TMTC2: variants seen among roughly 807,000 people sequenced by gnomAD.
TMTC2 encodes transmembrane O-mannosyltransferase targeting cadherins 2, also known as protein O-mannosyl-transferase TMTC2.
TMTC2 carries 43 observed loss-of-function variants against 82.4 expected under a neutral mutation model. That is an observed-to-expected ratio of 0.52 (90% confidence interval 0.41 to 0.67). The LOEUF is 0.67. Ranked by LOEUF, TMTC2 falls within the 30% of genes least tolerant of loss-of-function variation. The probability of loss-of-function intolerance (pLI) is 0.00; values close to 1 mark genes in which losing one functional copy is unlikely to be tolerated. For synonymous variants in TMTC2, 408 were observed against 381.9 expected, an observed-to-expected ratio of 1.07 and a Z score of -0.80; for missense variants, 919 against 1,012.4, an observed-to-expected ratio of 0.91 and a Z score of 1.25.
chr12:83,070,187 T>C (rs1235517533), intron 11 of TMTC2, among the ~76,000 whole-genome samples: 2 of 152,198 alleles, frequency 1.3e-5, no homozygotes, highest in African/African-American at 4.8e-5. Context: ...TGGTTCCCTA[T>C]GAATTTTAGA....
chr12:82,792,359 A>C (rs1592525694), intron 1 of TMTC2, among the ~76,000 whole-genome samples: 1 of 151,918 alleles, frequency 6.6e-6, no homozygotes, highest in East Asian at 1.9e-4. Flanking sequence ...ATGTTGAGCA[A>C]CCATCACCTC....
At chr12:82,841,429 G>A (rs1459545041) in intron 1 of TMTC2, among the ~76,000 whole-genome samples, 6 of 152,144 alleles carry the variant, frequency 3.9e-5, no homozygotes, top group Non-Finnish European at 4.4e-5. Flanking sequence ...AATTAGAGTT[G>A]CTGGTGGTTT....
intron 1 of TMTC2, chr12:82,690,509 T>C (rs998184877): frequency 1.2e-5 from 8 of 690,860 alleles, no homozygotes; most frequent in East Asian, 2.7e-4. Context: ...ATGTTTGATG[T>C]AGCTTGGTTG....
At chr12:82,976,787 T>A (rs1878694310) in intron 7 of TMTC2, among the ~76,000 whole-genome samples, 1 of 152,080 alleles carries the variant, frequency 6.6e-6, no homozygotes, top group African/African-American at 2.4e-5. Context: ...TAGTAGTGTT[T>A]CTAATGCTTC....
At position 82,687,055 on chromosome 12, in the gene TMTC2, C is replaced by A. The variant is rs575082625; in HGVS notation, c.-532C>A. The stretch of plus-strand genomic sequence containing the variant: ...GCTGCCTTGGCGGCCGGAGTCCGCC[C>A]GAGCGACACCGGAGCAGTGCGCCCG... On this transcript the variant is annotated 5_prime_UTR_variant, in exon 1 of 12. Coordinates refer to ENST00000321196, the MANE Select transcript of TMTC2 (RefSeq NM_152588.3). 1.1e-3 allele frequency: 172 copies of A among 162,350 alleles called. 2 individuals carry two copies. Among genetic ancestry groups the A allele is most frequent in the Admixed American group, 2.9e-3 (49 of 16,908 alleles). The allele number at this position is 162,350 out of a possible 1,614,324, so 10.1% of individuals were successfully genotyped here. A position where few individuals can be genotyped will look rare whatever the true frequency, so the allele number is the denominator to read the frequency against.
chr12:83,022,930 A>T (rs1881000490), intron 8 of TMTC2, among the ~76,000 whole-genome samples: 1 of 152,212 alleles, frequency 6.6e-6, no homozygotes, highest in Admixed American at 6.5e-5. Flanking sequence ...TTTCATTGAA[A>T]TGATTTTTGG....
At chr12:82,873,897 A>G (rs1872341923) in intron 2 of TMTC2, among the ~76,000 whole-genome samples, 1 of 152,228 alleles carries the variant, frequency 6.6e-6, no homozygotes, top group South Asian at 2.1e-4. Context: ...ATCCCTTTAA[A>G]TAAATGGCCA....
chr12:83,102,161 A>T (rs555234612), intron 11 of TMTC2, among the ~76,000 whole-genome samples: 36 of 152,274 alleles, frequency 2.4e-4, no homozygotes, highest in African/African-American at 8.2e-4. Context: ...ACATCAGAAA[A>T]AGTTTCGTTT....
At chr12:82,790,040 A>T (rs1044361611) in intron 1 of TMTC2, among the ~76,000 whole-genome samples, 1 of 152,032 alleles carries the variant, frequency 6.6e-6, no homozygotes, top group Non-Finnish European at 1.5e-5. Flanking sequence ...CATCTCTACA[A>T]AAACAGAAAA....
intron 11 of TMTC2, among the ~76,000 whole-genome samples, chr12:83,098,132 T>A (rs1042455809): frequency 3.3e-5 from 5 of 152,200 alleles, no homozygotes; most frequent in African/African-American, 9.6e-5. Context: ...GAGTAGCTCA[T>A]GCTGCAGAGG....
chr12:82,985,295 G>T (rs188241549), intron 7 of TMTC2, among the ~76,000 whole-genome samples: 3 of 151,986 alleles, frequency 2.0e-5, no homozygotes, highest in Non-Finnish European at 1.5e-5. Flanking sequence ...CAAGCTATCC[G>T]CCTGCCTTGG....
At chr12:82,775,451 A>T (rs1221181954) in intron 1 of TMTC2, among the ~76,000 whole-genome samples, 1 of 151,234 alleles carries the variant, frequency 6.6e-6, no homozygotes, top group Non-Finnish European at 1.5e-5. Flanking sequence ...CCCTGTCTCC[A>T]GGGGGGCGGG....
rs191105220 is a variant in TMTC2, at chr12:82,757,032, C to T, written c.83+69363C>T. 3.9e-5 allele frequency among the ~76,000 whole-genome samples: 6 copies of T among 152,240 alleles called. No homozygotes were observed. The East Asian group carries it at 7.7e-4, about 20-fold the overall frequency. On this transcript the variant is annotated intron_variant, in intron 1 of 11. Coordinates refer to ENST00000321196, the MANE Select transcript of TMTC2 (RefSeq NM_152588.3). ...GATTTCCAGGGATAAAAAGACAACA[C>T]GTGAAAAACCCCTGGTATTCTCAGA...
chr12:82,877,753 G>C (rs960395607), intron 2 of TMTC2, among the ~76,000 whole-genome samples: 6 of 152,234 alleles, frequency 3.9e-5, no homozygotes, highest in Admixed American at 3.9e-4. Flanking sequence ...TATTTCTACA[G>C]TAAAGGATGG....
chr12:83,117,639 C>T (rs1203164545), intron 11 of TMTC2, among the ~76,000 whole-genome samples: 2 of 152,066 alleles, frequency 1.3e-5, no homozygotes, highest in Non-Finnish European at 2.9e-5. Context: ...GCTATGTGGG[C>T]TCCTTTTTGG....
intron 1 of TMTC2, among the ~76,000 whole-genome samples, chr12:82,778,534 T>C (rs1420241700): frequency 2.0e-5 from 3 of 151,986 alleles, no homozygotes; most frequent in Non-Finnish European, 4.4e-5. Context: ...GCTAACACAG[T>C]GAAACCCCAG....
chr12:82,938,443 A>T (rs182573747), intron 4 of TMTC2, among the ~76,000 whole-genome samples: 21 of 152,254 alleles, frequency 1.4e-4, no homozygotes, highest in African/African-American at 4.6e-4. Context: ...CATAGTAGGG[A>T]TATGTGTTGG....
At chr12:83,120,499 T>C (rs941620217) in intron 11 of TMTC2, among the ~76,000 whole-genome samples, 2 of 152,234 alleles carry the variant, frequency 1.3e-5, no homozygotes, top group Non-Finnish European at 2.9e-5. Flanking sequence ...TTCTAGCTTG[T>C]AGAATTTCTG....
chr12:82,822,475 T>C (rs1398393503), intron 1 of TMTC2, among the ~76,000 whole-genome samples: 1 of 152,180 alleles, frequency 6.6e-6, no homozygotes, highest in Non-Finnish European at 1.5e-5. Context: ...AAATAAGTTA[T>C]ATTTTAAAAA....
Sources: gnomAD v4.1 joint callset for allele counts (sites outside exome capture counted in the v4.1 genomes callset) on GRCh38, gnomAD v4.1.1 for gene constraint, MANE v1.5 for transcripts, NCBI Gene and HGNC (gene_info 2026-07-23, HGNC 2026-07-21) for gene names.